The following NCKAP1 variants were observed in gnomAD, a reference collection of about 807,000 sequenced individuals.
The protein encoded by NCKAP1 is nck-associated protein 1.
NCKAP1 carries 21 observed loss-of-function variants against 151.2 expected under a neutral mutation model. That is an observed-to-expected ratio of 0.14 (90% confidence interval 0.10 to 0.20). The LOEUF is 0.20. Among genes scored for constraint, NCKAP1 ranks in the 10% least tolerant of loss-of-function variants. The pLI is 1.00. For synonymous variants in NCKAP1, 484 were observed against 451.8 expected (o/e 1.07, Z -0.90); for missense variants, 933 against 1,352.1 (o/e 0.69, Z 4.86).
chr2:182,943,030 G>A (rs1697029446), intron 23 of NCKAP1, among the ~76,000 whole-genome samples: 1 of 152,156 alleles, frequency 6.6e-6, no homozygotes, highest in South Asian at 2.1e-4. Context: ...CACAATGTAA[G>A]TGAAGTTTAT....
At position 182,922,385 on chromosome 2, in the gene NCKAP1, T is replaced by C. The variant is rs566925473; in HGVS notation, c.*3317A>G. ...TAGATTTAATTTGTGAACTCTGCTA[T>C]ATAAGCAAAGAAGAAAGCAAGCAAG... On this transcript the variant is annotated 3_prime_UTR_variant, in exon 31 of 31. Coordinates refer to ENST00000361354, the MANE Select transcript of NCKAP1 (RefSeq NM_013436.5). 6.6e-6 allele frequency: 1 copy of C among 152,320 alleles called. No homozygotes were observed. Among genetic ancestry groups the C allele is most frequent in the Non-Finnish European group, 1.5e-5 (1 of 68,038 alleles). The allele number at this position is 152,320 out of a possible 1,614,324, so 9.4% of individuals were successfully genotyped here. A position where few individuals can be genotyped will look rare whatever the true frequency, so the allele number is the denominator to read the frequency against.
intron 1 of NCKAP1, among the ~76,000 whole-genome samples, chr2:183,029,625 C>T (rs1418450752): frequency 2.6e-5 from 4 of 151,778 alleles, no homozygotes; most frequent in Non-Finnish European, 5.9e-5. Context: ...AGTTTGAGAC[C>T]ACCTTGGGCA....
intron 7 of NCKAP1, among the ~76,000 whole-genome samples, chr2:182,995,153 G>T (rs1575054405): frequency 6.6e-6 from 1 of 152,124 alleles, no homozygotes; most frequent in Non-Finnish European, 1.5e-5. Flanking sequence ...TCTTTAATCT[G>T]GTAAATGACA....
In NCKAP1 at chr2:182,922,447, T is replaced by C. The variant is rs1559066785; in HGVS notation, c.*3255A>G. On this transcript the variant is annotated 3_prime_UTR_variant, in exon 31 of 31. Coordinates refer to ENST00000361354, the MANE Select transcript of NCKAP1 (RefSeq NM_013436.5). ...AAGAGAAAAAGAGCTAGATAGCCCA[T>C]AAGGCTCCTAGAGGGAACTTGAGCA... 6.6e-6 allele frequency: 1 copy of C among 152,198 alleles called. No homozygotes were observed. Among genetic ancestry groups the C allele is most frequent in the African/African-American group, 2.4e-5 (1 of 41,456 alleles). 9.4% of individuals were successfully genotyped at this position (152,198 alleles called of 1,614,324 possible).
chr2:182,961,175 G>A (rs1248004877), intron 18 of NCKAP1, among the ~76,000 whole-genome samples: 19 of 152,254 alleles, frequency 1.2e-4, no homozygotes, highest in African/African-American at 2.4e-4. Flanking sequence ...TCAGTGTGGC[G>A]ATTCCTCAAG....
chr2:182,989,220 A>G, intron 8 of NCKAP1, 34 bp from the exon 9 acceptor site: 1 of 1,525,606 alleles, frequency 6.6e-7, no homozygotes, highest in Non-Finnish European at 8.9e-7. Flanking sequence ...ACAAATGTAA[A>G]TGTACAAGTA....
At chr2:182,944,381 G>GA (rs1163562099) in intron 23 of NCKAP1, among the ~76,000 whole-genome samples, 6 of 152,132 alleles carry the variant, frequency 3.9e-5, no homozygotes, top group Admixed American at 2.6e-4. Flanking sequence ...TACTTCATTT[G>GA]AAAAAATGTC....
intron 26 of NCKAP1, 102 bp from the exon 27 acceptor site, chr2:182,930,890 C>T (rs1382180608): frequency 9.2e-6 from 9 of 980,890 alleles, no homozygotes; most frequent in African/African-American, 3.3e-5. Context: ...CAGAGAATTT[C>T]GGAAACTTGG....
intron 23 of NCKAP1, among the ~76,000 whole-genome samples, chr2:182,945,649 C>T (rs1334128315): frequency 1.3e-5 from 2 of 152,146 alleles, no homozygotes; most frequent in African/African-American, 4.8e-5. Flanking sequence ...TATCAAAATG[C>T]TCAAACATGC....
rs1559064938 is a variant in NCKAP1 at position 182,915,889 on chromosome 2, A to G, written c.*9813T>C. Reference sequence around the variant, plus strand: ...TTTCACTTAAATTTTCAGATTTAAAAATAATTTTTTTGCTACGTGGAATGC... The same window carrying G: ...TTTCACTTAAATTTTCAGATTTAAAGATAATTTTTTTGCTACGTGGAATGC... On this transcript the variant is annotated 3_prime_UTR_variant, in exon 31 of 31. Coordinates refer to ENST00000361354, the MANE Select transcript of NCKAP1 (RefSeq NM_013436.5). The G allele has an allele frequency of 6.6e-6, 1 of 152,124 alleles. No homozygotes were observed. Among genetic ancestry groups the G allele is most frequent in the Non-Finnish European group, 1.5e-5 (1 of 68,028 alleles). 9.4% of individuals were successfully genotyped at this position (152,124 alleles called of 1,614,324 possible).
chr2:182,995,936 T>C (rs1698260136), intron 6 of NCKAP1, 98 bp from the exon 7 acceptor site: 3 of 1,056,718 alleles, frequency 2.8e-6, no homozygotes, highest in Non-Finnish European at 2.8e-6. Flanking sequence ...TATACCATCA[T>C]AAAACAACAC....
At chr2:182,948,626 G>A (rs1697153917) in intron 23 of NCKAP1, among the ~76,000 whole-genome samples, 1 of 151,948 alleles carries the variant, frequency 6.6e-6, no homozygotes, top group African/African-American at 2.4e-5. Context: ...AAAGACCCTA[G>A]AATAATGGAC....
intron 15 of NCKAP1, among the ~76,000 whole-genome samples, chr2:182,976,529 G>C (rs575553247): frequency 7.9e-5 from 12 of 152,296 alleles, no homozygotes; most frequent in African/African-American, 2.9e-4. Flanking sequence ...TTTTTTAGCA[G>C]CTGTTTCTTT....
At chr2:183,004,974 A>C (rs1698442148) in intron 2 of NCKAP1, among the ~76,000 whole-genome samples, 1 of 151,988 alleles carries the variant, frequency 6.6e-6, no homozygotes, top group Non-Finnish European at 1.5e-5. Context: ...ATATACTTGT[A>C]GTGACTATTT....
chr2:182,977,103 C>A (rs1697839561), intron 14 of NCKAP1, 152 bp from the exon 15 acceptor site: 2 of 444,166 alleles, frequency 4.5e-6, no homozygotes, highest in Non-Finnish European at 7.9e-6. Flanking sequence ...ATATGTACAC[C>A]CATGTTCACA....
At chr2:183,012,638 T>A (rs1698610156) in intron 2 of NCKAP1, among the ~76,000 whole-genome samples, 1 of 151,082 alleles carries the variant, frequency 6.6e-6, no homozygotes, top group East Asian at 1.9e-4. Flanking sequence ...TTTTTTTTTT[T>A]AGACAGAGTC....
At chr2:182,974,181 T>C (rs1484418795) in intron 15 of NCKAP1, among the ~76,000 whole-genome samples, 1 of 151,164 alleles carries the variant, frequency 6.6e-6, no homozygotes, top group Non-Finnish European at 1.5e-5. Context: ...TTTTGTTCTC[T>C]ACTTCTAGTG....
intron 27 of NCKAP1, among the ~76,000 whole-genome samples, chr2:182,929,294 ATAAAT>A (rs564588390): frequency 1.4e-3 from 208 of 152,158 alleles, no homozygotes; most frequent in African/African-American, 4.8e-3. Flanking sequence ...TAGAAAACTT[ATAAAT>A]TATTCTGCAA....
intron 15 of NCKAP1, among the ~76,000 whole-genome samples, chr2:182,975,149 T>A (rs1697779376): frequency 6.6e-6 from 1 of 152,206 alleles, no homozygotes; most frequent in Non-Finnish European, 1.5e-5. Context: ...CAGAGGAAAT[T>A]CCACTTCTTT....
Sources: allele counts gnomAD v4.1 joint callset (sites outside exome capture counted in the v4.1 genomes callset), GRCh38; gene constraint gnomAD v4.1.1; transcripts MANE v1.5; gene names NCBI Gene and HGNC (gene_info 2026-07-23, HGNC 2026-07-21).